The following DNAH9 variants were observed in gnomAD, a reference collection of about 807,000 sequenced individuals.
DNAH9 encodes dynein axonemal heavy chain 9, also known as DNAH9 variant protein.
A neutral mutation model predicts 471.6 loss-of-function variants in DNAH9; 345 were observed. That is an observed-to-expected ratio of 0.73 (90% CI 0.67 to 0.80). DNAH9 has a LOEUF of 0.80. Among genes scored for constraint, DNAH9 ranks in the 30% least tolerant of loss-of-function variants. The pLI, the probability that DNAH9 is intolerant of heterozygous loss-of-function variation, is 0.00. For synonymous variants in DNAH9, 2,093 were observed against 2,123.6 expected, an observed-to-expected ratio of 0.99 and a Z score of 0.40; for missense variants, 5,407 against 5,609.2, an observed-to-expected ratio of 0.96 and a Z score of 1.15.
chr17:11,688,390 G>A (rs1324643734), intron 19 of DNAH9, among the ~76,000 whole-genome samples: 2 of 152,192 alleles, frequency 1.3e-5, no homozygotes, highest in Non-Finnish European at 2.9e-5. Context: ...AGAACTGGAA[G>A]ATCAGGGACA....
intron 6 of DNAH9, among the ~76,000 whole-genome samples, chr17:11,624,604 T>G (rs1469589281): frequency 2.0e-5 from 3 of 152,186 alleles, no homozygotes; most frequent in Non-Finnish European, 2.9e-5. Flanking sequence ...CACCCATAGT[T>G]ACACAGGTTG....
intron 67 of DNAH9, among the ~76,000 whole-genome samples, chr17:11,957,249 T>G (rs530431731): frequency 1.3e-5 from 2 of 152,202 alleles, no homozygotes; most frequent in South Asian, 2.1e-4. Flanking sequence ...TTTAAAAAAT[T>G]GAATTCATGA....
intron 22 of DNAH9, among the ~76,000 whole-genome samples, chr17:11,699,065 A>G (rs2074545052): frequency 6.6e-6 from 1 of 152,084 alleles, no homozygotes; most frequent in Non-Finnish European, 1.5e-5. Context: ...CCTGACTAAC[A>G]TGGTGAAACC....
chr17:11,662,916 T>C lies in DNAH9; in HGVS notation c.2596-1917T>C, dbSNP rs555313612. Among the ~76,000 whole-genome samples the C allele has an allele frequency of 7.0e-3, 1,056 of 151,028 alleles. 8 individuals carry two copies. The highest frequency in any genetic ancestry group is 0.01 in the Non-Finnish European group (676 of 67,518). On this transcript the variant is annotated intron_variant, in intron 14 of 68. Coordinates refer to ENST00000262442, the MANE Select transcript of DNAH9 (RefSeq NM_001372.4). ...GACTACAGGCGCCCGCCACTATGCC[T>C]GGCTAATTTTTTGTATTTTTAGTAG...
chr17:11,869,090 A>T (rs374888828), intron 50 of DNAH9, 44 bp from the exon 51 acceptor site: 1 of 1,603,712 alleles, frequency 6.2e-7, no homozygotes, highest in African/African-American at 1.3e-5. Context: ...TGGTAGTTAC[A>T]TGGGCCGAAA....
chr17:11,730,972 GTGA>G (rs1276814455), intron 28 of DNAH9, among the ~76,000 whole-genome samples: 1 of 128,324 alleles, frequency 7.8e-6, no homozygotes, highest in Non-Finnish European at 1.7e-5. Flanking sequence ...GGTGATGATG[GTGA>G]TGATGATGGA....
chr17:11,763,187 G>C (rs575297715), intron 35 of DNAH9, among the ~76,000 whole-genome samples: 9 of 152,212 alleles, frequency 5.9e-5, no homozygotes, highest in East Asian at 1.9e-4. Flanking sequence ...GAAGTGGGAG[G>C]GGGAGGGTGT....
At chr17:11,608,704 A>G (rs1019382204) in intron 2 of DNAH9, among the ~76,000 whole-genome samples, 20 of 152,208 alleles carry the variant, frequency 1.3e-4, no homozygotes, top group African/African-American at 4.8e-4. Context: ...GTGTTTACTC[A>G]GTACATAATG....
At chr17:11,767,358 C>A (rs112841526) in intron 36 of DNAH9, among the ~76,000 whole-genome samples, 5,666 of 152,270 alleles carry the variant, frequency 0.037, 157 homozygotes, top group South Asian at 0.13. Context: ...ATAACGTCCC[C>A]TTGATCTAAA....
At chr17:11,823,578 C>T (rs1268629683) in intron 48 of DNAH9, among the ~76,000 whole-genome samples, 1 of 152,192 alleles carries the variant, frequency 6.6e-6, no homozygotes, top group Non-Finnish European at 1.5e-5. Flanking sequence ...AAAGCCCTGT[C>T]TCATTTCATG....
At chr17:11,670,427 G>A (rs932416848) in intron 17 of DNAH9, among the ~76,000 whole-genome samples, 3 of 152,022 alleles carry the variant, frequency 2.0e-5, no homozygotes, top group Admixed American at 1.3e-4. Context: ...TTAGAATCTC[G>A]ACCCCCTTCT....
At position 11,734,128 on chromosome 17, in the gene DNAH9, T is replaced by A. The variant is rs545008972; in HGVS notation, c.5815-4752T>A. 1.4e-3 allele frequency among the ~76,000 whole-genome samples: 209 copies of A among 152,264 alleles called. 1 individual carries two copies. Among genetic ancestry groups the A allele is most frequent in the African/African-American group, 4.7e-3 (197 of 41,554 alleles). The stretch of plus-strand genomic sequence containing the variant: ...TGGCTGGTGTCATGTAGCCCCACGC[T>A]ATTCAAACTGTGAGCCAACAGCACC... On this transcript the variant is annotated intron_variant, in intron 28 of 68. Transcript: ENST00000262442.
chr17:11,604,185 A>G (rs1326230881), intron 1 of DNAH9, among the ~76,000 whole-genome samples: 1 of 151,656 alleles, frequency 6.6e-6, no homozygotes, highest in Non-Finnish European at 1.5e-5. Context: ...ACCATGCCCA[A>G]CTAATTTTTG....
chr17:11,715,648 CCTTA>C (rs2074947125), intron 26 of DNAH9, among the ~76,000 whole-genome samples: 1 of 152,170 alleles, frequency 6.6e-6, no homozygotes, highest in South Asian at 2.1e-4. Flanking sequence ...GATCTCTCTT[CCTTA>C]AGGATCTTTT....
At chr17:11,721,620 G>GGA (rs146026495) in intron 27 of DNAH9, among the ~76,000 whole-genome samples, 55 of 150,720 alleles carry the variant, frequency 3.6e-4, no homozygotes, top group East Asian at 3.1e-3. Flanking sequence ...GGAGAGAGAG[G>GGA]GAGAGAGAGA....
rs2074305307 is a variant in DNAH9, at chr17:11,690,014, A to C, written c.4192A>C (p.Thr1398Pro). 1.9e-6 allele frequency: 3 copies of C among 1,614,076 alleles called. No homozygotes were observed. Among genetic ancestry groups the C allele is most frequent in the Admixed American group, 1.7e-5 (1 of 60,010 alleles). ...QLMQATGVSF[T>P]MDQDTTLAHL... ...GATGCAGGCCACCGGTGTGAGCTTC[A>C]CTATGGACCAGGACACCACCCTAGC... Residue 1398 changes from threonine (T) to proline (P), a missense_variant, in exon 20 of 69, where the codon ACT becomes CCT. Physicochemically the swap from Thr to Pro is conservative, Grantham distance 38. Around this residue, in one of 3 missense-constraint regions of DNAH9, gnomAD observed 4,636 missense variants for 4,900.3 expected, o/e 0.95. Transcript: ENST00000262442.
At chr17:11,895,048 T>C (rs987760667) in intron 59 of DNAH9, among the ~76,000 whole-genome samples, 1 of 152,324 alleles carries the variant, frequency 6.6e-6, no homozygotes, top group Middle Eastern at 3.4e-3. Context: ...CCATTTAACA[T>C]AGGAGGAAAC....
Position 11,942,335 on chromosome 17 carries a change from G to C in DNAH9, c.12693G>C (p.Arg4231=). 3 of 1,614,088 alleles carry C rather than the reference G, an allele frequency of 1.9e-6. No homozygotes were observed. Among genetic ancestry groups the C allele is most frequent in the Non-Finnish European group, 2.5e-6 (3 of 1,179,968 alleles). ...VKALLEEILE[R]VTDEFNIPEL... ...CACTTCTGGAAGAAATATTGGAGCGGGTGACAGACGAGTTTAACATCCCAG... is the reference window on the plus strand; with the variant it reads ...CACTTCTGGAAGAAATATTGGAGCGCGTGACAGACGAGTTTAACATCCCAG... Residue 4231 remains arginine (R), a synonymous_variant, in exon 67 of 69, where the codon CGG becomes CGC. Transcript: ENST00000262442.
At chr17:11,634,364 T>A (rs2073122826) in intron 8 of DNAH9, among the ~76,000 whole-genome samples, 1 of 151,738 alleles carries the variant, frequency 6.6e-6, no homozygotes, top group South Asian at 2.1e-4. Flanking sequence ...GGCTGGGGAG[T>A]AGGGACCAGA....
Sources: gnomAD v4.1 joint callset for allele counts (sites outside exome capture counted in the v4.1 genomes callset) on GRCh38, gnomAD v4.1.1 for gene constraint, gnomAD v4.1.1 regional missense constraint, MANE v1.5 for transcripts, NCBI Gene and HGNC (gene_info 2026-07-23, HGNC 2026-07-21) for gene names.